The following NCOA5 variants were observed in gnomAD, a reference collection of about 807,000 sequenced individuals.
NCOA5 encodes nuclear receptor coactivator 5, also known as NCoA-5.
In NCOA5, 12 loss-of-function variants were observed where a neutral mutation model predicts 59.0. That is an observed-to-expected ratio of 0.20 (90% CI 0.13 to 0.33). The LOEUF (loss-of-function observed/expected upper bound fraction) is 0.33, where lower values mean the gene tolerates loss of function less well. Among genes scored for constraint, NCOA5 ranks in the 10% least tolerant of loss-of-function variants. NCOA5 has a pLI of 1.00. For missense variants in NCOA5, 655 were observed against 766.6 expected, an observed-to-expected ratio of 0.85 and a Z score of 1.72; for synonymous variants, 270 against 275.5, an observed-to-expected ratio of 0.98 and a Z score of 0.20.
rs1440000501 is a variant in NCOA5 at position 46,063,468 on chromosome 20, G to A, written c.1042C>T (p.Leu348=). Residue 348 remains leucine, a synonymous_variant, in exon 7 of 8, where the codon CTG becomes TTG. Transcript: ENST00000290231. ...GTGAGGTACCTGTTGTCTGCCAGCA[G>A]GTTGATGAGGCTCTGGATGGCTGGA... ...HPPAIQSLIN[L]LADNRYLTAE... is the part of the protein sequence containing the mutation. 6.2e-7 allele frequency: 1 copy of A among 1,614,100 alleles called. No individual in the cohort carries two copies. The highest frequency in any genetic ancestry group is 8.5e-7 in the Non-Finnish European group (1 of 1,180,040).
At chr20:46,080,639 CA>C (rs1416902713) in intron 1 of NCOA5, among the ~76,000 whole-genome samples, 2 of 152,086 alleles carry the variant, frequency 1.3e-5, no homozygotes, top group Admixed American at 6.5e-5. Flanking sequence ...AGTTCCTGAT[CA>C]AATGAAGGTA....
intron 1 of NCOA5, among the ~76,000 whole-genome samples, chr20:46,081,838 G>C (rs1385327972): frequency 6.6e-6 from 1 of 151,608 alleles, no homozygotes; most frequent in Non-Finnish European, 1.5e-5. Context: ...TTTTCAGTGA[G>C]AGTTGTAAAA....
intron 7 of NCOA5, among the ~76,000 whole-genome samples, chr20:46,063,129 G>C (rs1435380148): frequency 6.6e-6 from 1 of 152,170 alleles, no homozygotes; most frequent in African/African-American, 2.4e-5. Flanking sequence ...CACGGAGCCA[G>C]CAATACTAGT....
chr20:46,083,974 T>C (rs1277003465), intron 1 of NCOA5, among the ~76,000 whole-genome samples: 1 of 152,234 alleles, frequency 6.6e-6, no homozygotes, highest in African/African-American at 2.4e-5. Context: ...ACTTTCCCTA[T>C]ATATTTGATT....
chr20:46,085,261 A>G (rs1039321044), intron 1 of NCOA5, among the ~76,000 whole-genome samples: 1 of 151,910 alleles, frequency 6.6e-6, no homozygotes, highest in Non-Finnish European at 1.5e-5. Flanking sequence ...TTCTGGGCTC[A>G]AGTGATCCTC....
intron 2 of NCOA5, among the ~76,000 whole-genome samples, chr20:46,073,118 A>T (rs1242954528): frequency 2.6e-5 from 4 of 152,222 alleles, no homozygotes; most frequent in Non-Finnish European, 5.9e-5. Flanking sequence ...TAATGAATTG[A>T]ATTATTCTAC....
At chr20:46,063,161 G>A (rs1161062493) in intron 7 of NCOA5, among the ~76,000 whole-genome samples, 199 bp downstream of exon 7, 1 of 152,138 alleles carries the variant, frequency 6.6e-6, no homozygotes, top group Admixed American at 6.5e-5. Context: ...ATTAACTATA[G>A]GGATCAGCAT....
chr20:46,071,404 T>A (rs1263762726), intron 2 of NCOA5, among the ~76,000 whole-genome samples: 5 of 152,222 alleles, frequency 3.3e-5, no homozygotes, highest in Non-Finnish European at 7.3e-5. Context: ...TCTTCCCCCA[T>A]CCCAATAAAG....
rs920843077 is a variant in NCOA5 at position 46,062,165 on chromosome 20, C to CA, written c.*134dup. On this transcript the variant is annotated 3_prime_UTR_variant, in exon 8 of 8. Coordinates refer to ENST00000290231, the MANE Select transcript of NCOA5 (RefSeq NM_020967.3). The stretch of plus-strand genomic sequence containing the variant: ...ACACAGCCTTGGGCAGAAGAGAGAG[C>CA]AGGTGGTAGAAATTGATGACACTCG... 1.9e-5 allele frequency: 12 copies of CA among 640,330 alleles called. No individual in the cohort carries two copies. Among genetic ancestry groups the CA allele is most frequent in the African/African-American group, 1.8e-4 (10 of 54,780 alleles). The allele number at this position is 640,330 out of a possible 1,614,324, so 39.7% of individuals were successfully genotyped here. A position where few individuals can be genotyped will look rare whatever the true frequency, so the allele number is the denominator to read the frequency against.
chr20:46,073,477 C>T (rs2084905958), intron 2 of NCOA5, among the ~76,000 whole-genome samples: 1 of 152,186 alleles, frequency 6.6e-6, no homozygotes, highest in Admixed American at 6.5e-5. Flanking sequence ...ATCTTCCTAA[C>T]ATGTAACATC....
Position 46,063,364 on chromosome 20 carries a change from CAG to C in NCOA5, c.1144_1145del (p.Leu382AlafsTer59), listed in dbSNP as rs777296377. On this transcript the variant is annotated frameshift_variant, in exon 7 of 8. Transcript: ENST00000290231. LOFTEE classifies it high-confidence loss of function. ...ERLMRSSTDS[L>X]PGPISRQPLG... Reference sequence around the variant, plus strand: ...CGGCCCTGCCACGTAGCTCACCAGGCAGAGAGTCGGTGCTGCTCCTCATCAGC... The same window carrying C: ...CGGCCCTGCCACGTAGCTCACCAGGCAGAGTCGGTGCTGCTCCTCATCAGC... 1 of 1,611,952 alleles carries C rather than the reference CAG, an allele frequency of 6.2e-7. No individual in the cohort carries two copies. Among genetic ancestry groups the C allele is most frequent in the Admixed American group, 1.7e-5 (1 of 60,026 alleles).
chr20:46,062,588 A>G lies in NCOA5; in HGVS notation c.1452T>C (p.Pro484=). 6.2e-7 allele frequency: 1 copy of G among 1,614,206 alleles called. No homozygotes were observed. Among genetic ancestry groups the G allele is most frequent in the East Asian group, 2.2e-5 (1 of 44,882 alleles). The change falls in exon 8 of 8, where the codon CCT becomes CCC. Residue 484 remains proline, a synonymous_variant. Coordinates refer to ENST00000290231, the MANE Select transcript of NCOA5 (RefSeq NM_020967.3). ...QQRSQASGNQ[P]PSILGQGGSA... ...ATCCTCCCTGTCCCAAAATGCTTGG[A>G]GGCTGATTGCCAGAAGCCTGTGATC...
At chr20:46,085,119 C>T (rs1010516901) in intron 1 of NCOA5, among the ~76,000 whole-genome samples, 1 of 152,182 alleles carries the variant, frequency 6.6e-6, no homozygotes, top group Non-Finnish European at 1.5e-5. Flanking sequence ...CAGTCTCAAA[C>T]TCCTGAACTC....
At chr20:46,074,469 T>C (rs2084915253) in intron 2 of NCOA5, among the ~76,000 whole-genome samples, 1 of 151,900 alleles carries the variant, frequency 6.6e-6, no homozygotes, top group South Asian at 2.1e-4. Context: ...AACTGAACAG[T>C]GGTTAAATTT....
intron 1 of NCOA5, among the ~76,000 whole-genome samples, chr20:46,089,071 G>C (rs2085072169): frequency 6.6e-6 from 1 of 152,240 alleles, no homozygotes. Flanking sequence ...CGGACATAAA[G>C]GTGCAACGCG....
At chr20:46,066,018 G>A (rs2084819720) in intron 5 of NCOA5, among the ~76,000 whole-genome samples, 1 of 152,184 alleles carries the variant, frequency 6.6e-6, no homozygotes, top group Non-Finnish European at 1.5e-5. Flanking sequence ...GCTCTCTAGA[G>A]TTAAAAGCAG....
At chr20:46,067,936 CTTT>C (rs879479204) in intron 4 of NCOA5, among the ~76,000 whole-genome samples, 2 of 145,660 alleles carry the variant, frequency 1.4e-5, no homozygotes, top group South Asian at 2.2e-4. Flanking sequence ...TCATTTTTCT[CTTT>C]TTTTTTTTTG....
Position 46,088,005 on chromosome 20 carries a change from T to A in NCOA5, c.-30+1812A>T, listed in dbSNP as rs188617980. Among the ~76,000 whole-genome samples, 205 of 71,084 alleles carry A rather than the reference T, an allele frequency of 2.9e-3. 1 individual carries two copies. The highest frequency in any genetic ancestry group is 6.0e-3 in the African/African-American group (137 of 22,958). 46.6% of individuals were successfully genotyped at this position (71,084 alleles called of 152,430 possible). A position where few individuals can be genotyped will look rare whatever the true frequency, so the allele number is the denominator to read the frequency against. ...TATATACATATACATATATATATATTTTTTTACACAGCCTTTGAGGGGAGG... is the reference window on the plus strand; with the variant it reads ...TATATACATATACATATATATATATATTTTTACACAGCCTTTGAGGGGAGG... On this transcript the variant is annotated intron_variant, in intron 1 of 7. Coordinates refer to ENST00000290231, the MANE Select transcript of NCOA5 (RefSeq NM_020967.3).
chr20:46,072,723 C>A (rs972362454), intron 2 of NCOA5, among the ~76,000 whole-genome samples: 1 of 152,220 alleles, frequency 6.6e-6, no homozygotes, highest in Non-Finnish European at 1.5e-5. Flanking sequence ...ATATAAATAT[C>A]CCCTACTCCC....
Sources: allele counts gnomAD v4.1 joint callset (sites outside exome capture counted in the v4.1 genomes callset), GRCh38; gene constraint gnomAD v4.1.1; transcripts MANE v1.5; gene names NCBI Gene and HGNC (gene_info 2026-07-23, HGNC 2026-07-21).